BSN: variants seen among roughly 807,000 people sequenced by gnomAD.
The protein encoded by BSN is bassoon presynaptic cytomatrix protein.
A neutral mutation model predicts 264.8 loss-of-function variants in BSN; 57 were observed. The observed-to-expected ratio is 0.22, with a 90% CI of 0.17 to 0.27. BSN has a LOEUF of 0.27. BSN is among the 10% of genes least tolerant of loss of function. The pLI is 1.00. For missense variants in BSN, 4,615 were observed against 5,232.5 expected (o/e 0.88, Z 3.64); for synonymous variants, 2,059 against 2,137.3 (o/e 0.96, Z 1.01).
In BSN at chr3:49,660,554, G is replaced by A. The variant is rs1399338957; in HGVS notation, c.8709G>A (p.Glu2903=). The A allele has an allele frequency of 6.3e-7, 1 of 1,593,752 alleles. No individual in the cohort carries two copies. The highest frequency in any genetic ancestry group is 8.6e-7 in the Non-Finnish European group (1 of 1,168,328). Residue 2903 remains glutamate, a synonymous_variant, in exon 6 of 12, where the codon GAG becomes GAA. Coordinates refer to ENST00000296452, the MANE Select transcript of BSN (RefSeq NM_003458.4). The surrounding 1 kb of genome is among the most constrained non-coding windows in gnomAD (Gnocchi z 7.1). ...GGACACTGCCCAGCCCCCCTCCAGAGGAGGCTCACCTTCCCCTGGCTGGCC... is the reference window on the plus strand; with the variant it reads ...GGACACTGCCCAGCCCCCCTCCAGAAGAGGCTCACCTTCCCCTGGCTGGCC... ...VKRTLPSPPP[E]EAHLPLAGQA...
chr3:49,593,669 T>C (rs777321786), intron 1 of BSN, among the ~76,000 whole-genome samples: 47 of 152,168 alleles, frequency 3.1e-4, no homozygotes, highest in Admixed American at 7.2e-4. Flanking sequence ...TCATACACTT[T>C]TTGCCATGTG....
intron 1 of BSN, among the ~76,000 whole-genome samples, chr3:49,577,480 C>T (rs907738716): frequency 6.6e-6 from 1 of 152,072 alleles, no homozygotes; most frequent in South Asian, 2.1e-4. Context: ...AGGTCCTAGC[C>T]TTGCTGCCTG....
chr3:49,604,261 T>C (rs1055659130), intron 1 of BSN, among the ~76,000 whole-genome samples: 2 of 152,100 alleles, frequency 1.3e-5, no homozygotes, highest in Non-Finnish European at 2.9e-5. Flanking sequence ...GGTGTACAGT[T>C]CAGTGGTATT....
In BSN at chr3:49,625,481, C is replaced by A. The variant is rs2052335630; in HGVS notation, c.633+98C>A. Reference sequence around the variant, plus strand: ...CTTTCACCAACTCTCTTTTCCTGGTCATTTCCCTTGACCACCAGCATTTGT... The same window carrying A: ...CTTTCACCAACTCTCTTTTCCTGGTAATTTCCCTTGACCACCAGCATTTGT... On this transcript the variant is annotated intron_variant, in intron 2 of 11. Coordinates refer to ENST00000296452, the MANE Select transcript of BSN (RefSeq NM_003458.4). This position sits in a 1 kb window ranked among gnomAD's most constrained non-coding sequence, Gnocchi z 4.4. 5 of 1,227,000 alleles carry A rather than the reference C, an allele frequency of 4.1e-6. No homozygotes were observed. The highest frequency in any genetic ancestry group is 5.3e-6 in the Non-Finnish European group (5 of 937,176). 76.0% of individuals were successfully genotyped at this position (1,227,000 alleles called of 1,614,324 possible). A position where few individuals can be genotyped will look rare whatever the true frequency, so the allele number is the denominator to read the frequency against.
rs377173171 is a variant in BSN at position 49,655,611 on chromosome 3, C to A, written c.6055C>A (p.Leu2019Met). The change falls in exon 5 of 12, where the codon CTG (leucine) becomes ATG (methionine). Residue 2019 changes from leucine (L) to methionine (M), a missense_variant. Leu to Met is a conservative substitution (Grantham distance 15). Transcript: ENST00000296452. ...AGACTCGGCTATGGACCTCAGCTCACTGAAGCACTCCTACAGCCTGGGCTT... is the reference window on the plus strand; with the variant it reads ...AGACTCGGCTATGGACCTCAGCTCAATGAAGCACTCCTACAGCCTGGGCTT... ...GRDSAMDLSS[L>M]KHSYSLGFAD... The A allele has an allele frequency of 3.5e-5, 56 of 1,613,738 alleles. No individual in the cohort carries two copies. The South Asian group carries it at 5.9e-4, about 17-fold the overall frequency.
intron 1 of BSN, among the ~76,000 whole-genome samples, chr3:49,615,610 C>T (rs972669104): frequency 1.3e-5 from 2 of 152,228 alleles, no homozygotes; most frequent in African/African-American, 4.8e-5. Context: ...ACCTTAGAGG[C>T]TTTGAGCCCA....
chr3:49,635,940 C>T (rs1354655513), intron 2 of BSN, among the ~76,000 whole-genome samples: 2 of 150,644 alleles, frequency 1.3e-5, no homozygotes, highest in East Asian at 1.9e-4. Context: ...GATCATGGCA[C>T]TGCACTTCAG....
At chr3:49,604,578 G>A (rs942412148) in intron 1 of BSN, among the ~76,000 whole-genome samples, 2 of 152,088 alleles carry the variant, frequency 1.3e-5, no homozygotes, top group African/African-American at 4.8e-5. Flanking sequence ...ATACTCCATT[G>A]CATATATATA....
At chr3:49,589,479 C>A (rs7429405) in intron 1 of BSN, among the ~76,000 whole-genome samples, 1 of 149,440 alleles carries the variant, frequency 6.7e-6, no homozygotes, top group Admixed American at 6.9e-5. Flanking sequence ...CTTTATCAAT[C>A]TTCAATCTTC....
intron 1 of BSN, among the ~76,000 whole-genome samples, chr3:49,607,373 A>G (rs1375669451): frequency 1.3e-5 from 2 of 152,172 alleles, no homozygotes; most frequent in African/African-American, 4.8e-5. Context: ...AGTCTGGCCC[A>G]GGCATTCTGG....
chr3:49,655,224 A>G lies in BSN; in HGVS notation c.5668A>G (p.Thr1890Ala), dbSNP rs1315063633. The change falls in exon 5 of 12, where the codon ACC becomes GCC. Residue 1890 changes from threonine to alanine, a missense_variant. This residue lies in a region of BSN where 3,415 missense variants were observed against 3,866.4 expected (regional missense o/e 0.88). Coordinates refer to ENST00000296452, the MANE Select transcript of BSN (RefSeq NM_003458.4). The stretch of plus-strand genomic sequence containing the variant: ...GGAGCCTGCGGGTGCCCTGGACCTT[A>G]CCGGGATGAGGCCTGAGAGCCAGCT... ...PEEPAGALDLTGMRPESQLAC... is the reference protein window; with the variant it reads ...PEEPAGALDLAGMRPESQLAC... 6.2e-7 allele frequency: 1 copy of G among 1,613,034 alleles called. No individual in the cohort carries two copies. Among genetic ancestry groups the G allele is most frequent in the Admixed American group, 1.7e-5 (1 of 60,026 alleles).
intron 1 of BSN, among the ~76,000 whole-genome samples, chr3:49,567,560 G>A (rs981019225): frequency 3.9e-5 from 6 of 152,148 alleles, no homozygotes; most frequent in Admixed American, 3.9e-4. Flanking sequence ...TTCTTCTTAC[G>A]GAGATGAGAG....
At chr3:49,611,434 T>C (rs187918116) in intron 1 of BSN, among the ~76,000 whole-genome samples, 38 of 152,292 alleles carry the variant, frequency 2.5e-4, no homozygotes, top group Admixed American at 1.4e-3. Flanking sequence ...CAGGTGTCTA[T>C]AAGCCTGGGG....
Position 49,663,169 on chromosome 3 carries a change from G to A in BSN, c.11011G>A (p.Ala3671Thr), listed in dbSNP as rs534689607. 19 of 1,613,360 alleles carry A rather than the reference G, an allele frequency of 1.2e-5. No individual in the cohort carries two copies. Among genetic ancestry groups the A allele is most frequent in the Middle Eastern group, 1.6e-4 (1 of 6,062 alleles). Residue 3671 changes from alanine to threonine, a missense_variant, in exon 7 of 12, where the codon GCT (alanine) becomes ACT (threonine). Coordinates refer to ENST00000296452, the MANE Select transcript of BSN (RefSeq NM_003458.4). ...GGGACGGCGTGCTGCCAAACCACAC[G>A]CTCGGGACCTGGGTCGCCATGAGGC... ...EPGRRAAKPH[A>T]RDLGRHEARP... is the part of the protein sequence containing the mutation.
intron 2 of BSN, among the ~76,000 whole-genome samples, chr3:49,637,361 G>A (rs2052427673): frequency 1.3e-5 from 2 of 152,228 alleles, no homozygotes; most frequent in South Asian, 4.1e-4. Flanking sequence ...CATCCTTTGG[G>A]GCCAGATATG....
At chr3:49,599,231 A>T (rs1013463804) in intron 1 of BSN, among the ~76,000 whole-genome samples, 1 of 152,174 alleles carries the variant, frequency 6.6e-6, no homozygotes, top group African/African-American at 2.4e-5. Context: ...AATGTTTTCA[A>T]ATCTGCCTTA....
intron 1 of BSN, among the ~76,000 whole-genome samples, chr3:49,569,196 G>A (rs753639817): frequency 6.6e-6 from 1 of 152,090 alleles, no homozygotes; most frequent in Non-Finnish European, 1.5e-5. Flanking sequence ...GAGATGTTAG[G>A]TAGGCAGCTG....
At position 49,655,783 on chromosome 3, in the gene BSN, G is replaced by C; in HGVS notation, c.6227G>C (p.Arg2076Pro). Residue 2076 changes from arginine (R) to proline (P), a missense_variant, in exon 5 of 12, where the codon CGG becomes CCG. Physicochemically the swap from Arg to Pro is moderately radical, Grantham distance 103 (BLOSUM62 -2). This residue lies in a region of BSN where 3,415 missense variants were observed against 3,866.4 expected (regional missense o/e 0.88). Coordinates refer to ENST00000296452, the MANE Select transcript of BSN (RefSeq NM_003458.4). ...NIYSDHRYGP[R>P]GDAVGFQEAS... ...TACTCAGACCACAGGTACGGCCCAC[G>C]GGGAGATGCAGTTGGCTTCCAGGAG... 1 of 1,613,410 alleles carries C rather than the reference G, an allele frequency of 6.2e-7. No individual in the cohort carries two copies. The highest frequency in any genetic ancestry group is 8.5e-7 in the Non-Finnish European group (1 of 1,180,020).
At chr3:49,612,564 T>C (rs995205700) in intron 1 of BSN, among the ~76,000 whole-genome samples, 4 of 152,202 alleles carry the variant, frequency 2.6e-5, no homozygotes, top group Admixed American at 6.5e-5. Context: ...AGCCAACATA[T>C]GCGGATAAGC....
Sources: allele counts gnomAD v4.1 joint callset (sites outside exome capture counted in the v4.1 genomes callset), GRCh38; gene constraint gnomAD v4.1.1; regional missense constraint gnomAD v4.1.1; non-coding constraint Gnocchi (gnomAD v3.1); transcripts MANE v1.5; gene names NCBI Gene and HGNC (gene_info 2026-07-23, HGNC 2026-07-21).